Variants in ST6GALNAC5 observed in about 807,000 individuals in gnomAD.
ST6GALNAC5 encodes the protein alpha-N-acetylgalactosaminide alpha-2,6-sialyltransferase 5.
In ST6GALNAC5, 27 loss-of-function variants were observed where a neutral mutation model predicts 33.6. The ratio of observed to expected loss-of-function variants is 0.80; its 90% confidence interval spans 0.59 to 1.11. ST6GALNAC5 has a LOEUF of 1.11. Among genes scored for constraint, ST6GALNAC5 ranks in the 50% least tolerant of loss-of-function variants. The pLI is 0.00. For synonymous variants in ST6GALNAC5, 194 were observed against 171.2 expected (o/e 1.13, Z -1.04); for missense variants, 428 against 454.0 (o/e 0.94, Z 0.52).
At chr1:76,930,263 A>ATATCTAAATCATT (rs1553166948) in intron 2 of ST6GALNAC5, among the ~76,000 whole-genome samples, 1 of 152,180 alleles carries the variant, frequency 6.6e-6, no homozygotes, top group Non-Finnish European at 1.5e-5. Flanking sequence ...AGGATAGTTT[A>ATATCTAAATCATT]TATGTCTAAA....
At chr1:76,907,129 T>C (rs1174077419) in intron 2 of ST6GALNAC5, among the ~76,000 whole-genome samples, 1 of 152,172 alleles carries the variant, frequency 6.6e-6, no homozygotes, top group Admixed American at 6.6e-5. Flanking sequence ...AGCCTTCTTG[T>C]AGCCCTTCAC....
chr1:76,977,156 AT>A (rs1433052847), intron 2 of ST6GALNAC5, among the ~76,000 whole-genome samples: 2 of 151,836 alleles, frequency 1.3e-5, no homozygotes, highest in East Asian at 3.9e-4. Flanking sequence ...TTTCCACTTT[AT>A]TTTTCATTAC....
At chr1:76,935,145 G>A (rs930845964) in intron 2 of ST6GALNAC5, among the ~76,000 whole-genome samples, 2 of 151,982 alleles carry the variant, frequency 1.3e-5, no homozygotes, top group Admixed American at 6.6e-5. Flanking sequence ...CTGTTTCCAG[G>A]GAACTGAATT....
Position 76,868,417 on chromosome 1 carries a change from G to T in ST6GALNAC5, c.16-80G>T, listed in dbSNP as rs532560293. The T allele has an allele frequency of 1.8e-4, 280 of 1,521,536 alleles. No homozygotes were observed. Among genetic ancestry groups the T allele is most frequent in the Non-Finnish European group, 2.3e-4 (259 of 1,132,356 alleles). 94.3% of individuals were successfully genotyped at this position (1,521,536 alleles called of 1,614,324 possible). On this transcript the variant is annotated intron_variant, in intron 1 of 4. Transcript: ENST00000477717. This position sits in a 1 kb window ranked among gnomAD's most constrained non-coding sequence, Gnocchi z 4.3. ...AATCTCCCCCACTAGAGTGACCACC[G>T]CACAGTTGTCCCCGCTGGGCGCGCT...
chr1:77,003,689 G>A (rs1231945458), intron 2 of ST6GALNAC5, among the ~76,000 whole-genome samples: 1 of 151,318 alleles, frequency 6.6e-6, no homozygotes, highest in African/African-American at 2.4e-5. Flanking sequence ...CAGGCCTGGT[G>A]GTGACAAAAT....
intron 2 of ST6GALNAC5, among the ~76,000 whole-genome samples, chr1:77,001,937 T>C (rs1255571174): frequency 6.6e-6 from 1 of 152,060 alleles, no homozygotes; most frequent in Non-Finnish European, 1.5e-5. Context: ...TCAAGGATAT[T>C]GGTCTAAAAT....
intron 2 of ST6GALNAC5, among the ~76,000 whole-genome samples, chr1:76,921,585 A>G (rs558548556): frequency 6.6e-6 from 1 of 152,286 alleles, no homozygotes; most frequent in East Asian, 1.9e-4. Flanking sequence ...CTTTACATTC[A>G]TAAATTTGGA....
chr1:76,994,124 C>A (rs1042355311), intron 2 of ST6GALNAC5, among the ~76,000 whole-genome samples: 1 of 152,160 alleles, frequency 6.6e-6, no homozygotes, highest in Admixed American at 6.5e-5. Flanking sequence ...TTCACAGAGA[C>A]AGCTGAATTC....
intron 2 of ST6GALNAC5, among the ~76,000 whole-genome samples, chr1:77,032,753 C>A (rs1271872332): frequency 6.6e-6 from 1 of 152,148 alleles, no homozygotes; most frequent in Non-Finnish European, 1.5e-5. Flanking sequence ...CTGGTCAATT[C>A]AATATTTTTC....
intron 2 of ST6GALNAC5, among the ~76,000 whole-genome samples, chr1:76,876,900 G>A (rs1227654860): frequency 6.6e-6 from 1 of 152,220 alleles, no homozygotes; most frequent in Non-Finnish European, 1.5e-5. Context: ...GGCTGAGGGA[G>A]AGAAGGCAGG....
At chr1:76,911,053 C>T (rs911634889) in intron 2 of ST6GALNAC5, among the ~76,000 whole-genome samples, 1 of 152,036 alleles carries the variant, frequency 6.6e-6, no homozygotes, top group African/African-American at 2.4e-5. Flanking sequence ...GAAGACAGAA[C>T]ATACACTCAG....
chr1:76,966,090 G>A (rs1205850255), intron 2 of ST6GALNAC5, among the ~76,000 whole-genome samples: 4 of 152,140 alleles, frequency 2.6e-5, no homozygotes, highest in African/African-American at 7.2e-5. Flanking sequence ...GGCAATGTGG[G>A]CTCCTTTTTG....
chr1:76,914,894 G>A (rs948610415), intron 2 of ST6GALNAC5, among the ~76,000 whole-genome samples: 1 of 152,184 alleles, frequency 6.6e-6, no homozygotes, highest in South Asian at 2.1e-4. Flanking sequence ...TACCATCAGA[G>A]TGAACAGGCA....
intron 2 of ST6GALNAC5, among the ~76,000 whole-genome samples, chr1:76,968,409 G>GC (rs1336052625): frequency 3.9e-5 from 6 of 151,962 alleles, no homozygotes; most frequent in Admixed American, 2.0e-4. Flanking sequence ...TGCAACCCCT[G>GC]CTTTTTTGCC....
intron 2 of ST6GALNAC5, among the ~76,000 whole-genome samples, chr1:76,913,820 A>G (rs1646939485): frequency 1.3e-5 from 2 of 152,150 alleles, no homozygotes; most frequent in South Asian, 4.1e-4. Flanking sequence ...CCTTTTCAAC[A>G]TAGTGTTGGA....
At chr1:76,881,006 G>A (rs563856644) in intron 2 of ST6GALNAC5, among the ~76,000 whole-genome samples, 22 of 152,170 alleles carry the variant, frequency 1.4e-4, no homozygotes, top group Non-Finnish European at 2.8e-4. Flanking sequence ...AAAGGACTTT[G>A]AAAAATTAAA....
intron 2 of ST6GALNAC5, among the ~76,000 whole-genome samples, chr1:76,905,459 A>G (rs1337077882): frequency 1.3e-5 from 2 of 152,196 alleles, no homozygotes; most frequent in Non-Finnish European, 1.5e-5. Flanking sequence ...GACAGAAGGT[A>G]TAGACAGGTG....
chr1:76,890,379 G>A (rs1444040072), intron 2 of ST6GALNAC5, among the ~76,000 whole-genome samples: 2 of 152,018 alleles, frequency 1.3e-5, no homozygotes, highest in African/African-American at 2.4e-5. Context: ...TCATTCCTTA[G>A]GGTCATGGTT....
chr1:76,968,292 A>T (rs1648585878), intron 2 of ST6GALNAC5, among the ~76,000 whole-genome samples: 1 of 152,156 alleles, frequency 6.6e-6, no homozygotes. Flanking sequence ...TATATTAAGG[A>T]TAGTTAGCTC....
Sources: gnomAD v4.1 joint callset for allele counts (sites outside exome capture counted in the v4.1 genomes callset) on GRCh38, gnomAD v4.1.1 for gene constraint, Gnocchi (gnomAD v3.1) non-coding constraint, MANE v1.5 for transcripts, NCBI Gene and HGNC (gene_info 2026-07-23, HGNC 2026-07-21) for gene names.